The following FBXO7 variants were observed in gnomAD, a reference collection of about 807,000 sequenced individuals.
FBXO7 encodes F-box protein 7.
Under a neutral mutation model 50.2 loss-of-function variants are expected in FBXO7, and 31 were observed. The observed-to-expected ratio is 0.62, with a 90% CI of 0.46 to 0.83. The LOEUF (loss-of-function observed/expected upper bound fraction) is 0.83, where lower values mean the gene tolerates loss of function less well. Ranked by LOEUF, FBXO7 falls within the 40% of genes least tolerant of loss-of-function variation. FBXO7 has a pLI of 0.00. For missense variants in FBXO7, 667 were observed against 646.6 expected (o/e 1.03, Z -0.34); for synonymous variants, 256 against 253.1 (o/e 1.01, Z -0.11).
rs569446880 is a variant in FBXO7, at chr22:32,486,150, A to G, written c.787+941A>G. On this transcript the variant is annotated intron_variant, in intron 4 of 8. Coordinates refer to ENST00000266087, the MANE Select transcript of FBXO7 (RefSeq NM_012179.4). The stretch of plus-strand genomic sequence containing the variant: ...GAGATGAAAGTTAGGTAGAAGCCCT[A>G]TCACCACTTAAACCTTGAGCAGCAA... Among the ~76,000 whole-genome samples, 31 of 152,166 alleles carry G rather than the reference A, an allele frequency of 2.0e-4. No individual in the cohort carries two copies. The East Asian group carries it at 5.4e-3, about 27-fold the overall frequency.
intron 3 of FBXO7, 72 bp downstream of exon 3, chr22:32,484,196 G>C (rs1380568134): frequency 7.3e-7 from 1 of 1,371,438 alleles, no homozygotes; most frequent in African/African-American, 1.4e-5. Flanking sequence ...CTCTCAAGTT[G>C]CCCGTAGTCT....
At chr22:32,491,234 T>C (rs763240096) in intron 6 of FBXO7, 53 bp downstream of exon 6, 18 of 1,301,468 alleles carry the variant, frequency 1.4e-5, no homozygotes, top group Non-Finnish European at 1.9e-5. Context: ...ATAGTAAGTA[T>C]ACTTAATATT....
At chr22:32,493,040 T>A in intron 6 of FBXO7, 65 bp from the exon 7 acceptor site, 1 of 1,497,210 alleles carries the variant, frequency 6.7e-7, no homozygotes, top group Non-Finnish European at 9.3e-7. Flanking sequence ...CTTTGTTGAC[T>A]ATGTGGAGAA....
intron 5 of FBXO7, chr22:32,489,518 G>GA (rs754908297): frequency 3.9e-5 from 6 of 152,152 alleles, no homozygotes; most frequent in Non-Finnish European, 1.5e-5. Context: ...TATAGATCAG[G>GA]AAACAGATCT....
At chr22:32,479,335 A>G in intron 2 of FBXO7, 60 bp downstream of exon 2, 1 of 1,463,520 alleles carries the variant, frequency 6.8e-7, no homozygotes, top group Non-Finnish European at 9.6e-7. Context: ...TGAACACCTC[A>G]GTTGAATTCT....
chr22:32,478,916 A>G, intron 1 of FBXO7, 65 bp from the exon 2 acceptor site: 1 of 1,398,320 alleles, frequency 7.2e-7, no homozygotes, highest in African/African-American at 1.4e-5. Context: ...TGTATGCTTC[A>G]GATGTGCTAT....
intron 1 of FBXO7, chr22:32,478,035 T>C (rs1392226057): frequency 6.6e-6 from 1 of 152,214 alleles, no homozygotes; most frequent in Non-Finnish European, 1.5e-5. Context: ...ACTGGAATGA[T>C]GAAGAGGAGT....
intron 1 of FBXO7, chr22:32,475,568 A>G (rs746357370): frequency 3.0e-5 from 26 of 868,880 alleles, no homozygotes; most frequent in Admixed American, 1.9e-4. Context: ...GAGTATTTCA[A>G]TGAAAAAGTT....
In FBXO7 at chr22:32,493,102, T is replaced by G; in HGVS notation, c.968-3T>G. The G allele has an allele frequency of 6.2e-7, 1 of 1,614,102 alleles. No homozygotes were observed. Among genetic ancestry groups the G allele is most frequent in the Non-Finnish European group, 8.5e-7 (1 of 1,179,942 alleles). Reference sequence around the variant, plus strand: ...CCTGTTACTTCTCTTTTTTTCCTTTTAGCACTGAACCTACCAGATGTATTT... The same window carrying G: ...CCTGTTACTTCTCTTTTTTTCCTTTGAGCACTGAACCTACCAGATGTATTT... On this transcript the variant is annotated splice_polypyrimidine_tract_variant and splice_region_variant and intron_variant, in intron 6 of 8. Transcript: ENST00000266087.
chr22:32,485,011 C>T, intron 3 of FBXO7, 57 bp from the exon 4 acceptor site: 1 of 1,611,880 alleles, frequency 6.2e-7, no homozygotes, highest in South Asian at 1.1e-5. Context: ...GATTTTTAAT[C>T]TTTTTGAGAG....
Position 32,498,727 on chromosome 22 carries a change from C to T in FBXO7, c.*197C>T, listed in dbSNP as rs2057595073. The T allele has an allele frequency of 3.1e-6, 2 of 645,942 alleles. No individual in the cohort carries two copies. The highest frequency in any genetic ancestry group is 2.6e-6 in the Non-Finnish European group (1 of 378,406). The allele number at this position is 645,942 out of a possible 1,614,324, so 40.0% of individuals were successfully genotyped here. On this transcript the variant is annotated 3_prime_UTR_variant, in exon 9 of 9. Transcript: ENST00000266087. ...AAGGTTCCTCTGTGACAAGGTTGGC[C>T]TTGGGAATAGTTGGCTGCCAATCTC...
chr22:32,482,377 A>G (rs1482487754), intron 2 of FBXO7, among the ~76,000 whole-genome samples: 1 of 152,160 alleles, frequency 6.6e-6, no homozygotes, highest in East Asian at 1.9e-4. Context: ...TTTTACATAT[A>G]CTGTGTAATT....
Position 32,474,936 on chromosome 22 carries a change from G to C in FBXO7, c.-67G>C. 6.9e-7 allele frequency: 1 copy of C among 1,454,538 alleles called. No homozygotes were observed. Among genetic ancestry groups the C allele is most frequent in the East Asian group, 2.6e-5 (1 of 38,114 alleles). The allele number at this position is 1,454,538 out of a possible 1,614,324, so 90.1% of individuals were successfully genotyped here. On this transcript the variant is annotated 5_prime_UTR_variant, in exon 1 of 9. Coordinates refer to ENST00000266087, the MANE Select transcript of FBXO7 (RefSeq NM_012179.4). Reference sequence around the variant, plus strand: ...GTCGTCGCCGTTTGGGGCGGGAGCTGCTCGGCCCCGCCGCCGTCCCCGTCG... The same window carrying C: ...GTCGTCGCCGTTTGGGGCGGGAGCTCCTCGGCCCCGCCGCCGTCCCCGTCG...
In FBXO7 at chr22:32,493,256, GT is replaced by G; in HGVS notation, c.1124del (p.Leu375TyrfsTer38). ...TASNDPLLWR[F>X]LYLRDFRDNT... ...CTTCAAATGACCCACTCCTGTGGAG[GT>G]TTTTATATCTGCGTGATTTTCGAGG... On this transcript the variant is annotated frameshift_variant, in exon 7 of 9. Coordinates refer to ENST00000266087, the MANE Select transcript of FBXO7 (RefSeq NM_012179.4). LOFTEE classifies it high-confidence loss of function. 1 of 1,614,062 alleles carries G rather than the reference GT, an allele frequency of 6.2e-7. No homozygotes were observed. The highest frequency in any genetic ancestry group is 8.5e-7 in the Non-Finnish European group (1 of 1,179,958).
intron 8 of FBXO7, among the ~76,000 whole-genome samples, chr22:32,497,681 G>A (rs2057583953): frequency 6.6e-6 from 1 of 151,890 alleles, no homozygotes. Context: ...AGCATCGCAT[G>A]TACAGAGAAA....
At chr22:32,475,314 G>A in intron 1 of FBXO7, 190 bp downstream of exon 1, 1 of 1,608,068 alleles carries the variant, frequency 6.2e-7, no homozygotes, top group Non-Finnish European at 8.5e-7. Flanking sequence ...GGAGGGTGCA[G>A]GCGACGGGAA....
At chr22:32,488,608 A>G (rs1404254272) in intron 5 of FBXO7, 1 of 152,228 alleles carries the variant, frequency 6.6e-6, no homozygotes, top group Non-Finnish European at 1.5e-5. Context: ...GGAAGATGGC[A>G]TTTATAGCAG....
At position 32,475,059 on chromosome 22, in the gene FBXO7, G is replaced by A; in HGVS notation, c.57G>A (p.Thr19=). Residue 19 remains threonine, a synonymous_variant, in exon 1 of 9, where the codon ACG becomes ACA. Coordinates refer to ENST00000266087, the MANE Select transcript of FBXO7 (RefSeq NM_012179.4). ...CCTGGCCGCTGGAGGTGCCCGAGAC[G>A]GAGCCGACGCTGGGGCATTTGCGCT... is the stretch of plus-strand genomic sequence containing the variant. ...KRTWPLEVPE[T]EPTLGHLRSH... The A allele has an allele frequency of 6.5e-7, 1 of 1,545,662 alleles. No individual in the cohort carries two copies. Among genetic ancestry groups the A allele is most frequent in the Non-Finnish European group, 8.7e-7 (1 of 1,146,102 alleles).
intron 7 of FBXO7, among the ~76,000 whole-genome samples, chr22:32,494,911 G>A (rs967867350): frequency 1.3e-5 from 2 of 152,078 alleles, no homozygotes; most frequent in African/African-American, 4.8e-5. Flanking sequence ...AAGTTGAATG[G>A]GTTTCTCTTT....
Sources: gnomAD v4.1 joint callset for allele counts (sites outside exome capture counted in the v4.1 genomes callset) on GRCh38, gnomAD v4.1.1 for gene constraint, MANE v1.5 for transcripts, NCBI Gene and HGNC (gene_info 2026-07-23, HGNC 2026-07-21) for gene names.